The following CYLC2 variants were observed in gnomAD, a reference collection of about 807,000 sequenced individuals.
CYLC2 encodes cylicin 2, also known as cylicin-2.
CYLC2 carries 30 observed loss-of-function variants against 26.1 expected under a neutral mutation model. That is an observed-to-expected ratio of 1.15 (90% CI 0.86 to 1.56). CYLC2 has a LOEUF of 1.56. CYLC2 is among the 40% of genes most tolerant of loss of function. CYLC2 has a pLI of 0.00. For missense variants in CYLC2, 498 were observed against 394.4 expected, an observed-to-expected ratio of 1.26 and a Z score of -2.23; for synonymous variants, 158 against 132.8, an observed-to-expected ratio of 1.19 and a Z score of -1.31.
chr9:103,003,041 T>C, intron 2 of CYLC2, 101 bp from the exon 3 acceptor site: 2 of 1,281,354 alleles, frequency 1.6e-6, no homozygotes, highest in Non-Finnish European at 2.2e-6. Flanking sequence ...TTTGAATCAC[T>C]TGTTTATTCA....
Position 103,004,976 on chromosome 9 carries a change from T to C in CYLC2, c.345T>C (p.Gly115=). The change falls in exon 5 of 8, where the codon GGT becomes GGC. Residue 115 remains glycine, a synonymous_variant. Transcript: ENST00000374798. ...VEVDSKAAEI[G]KKGEDKTTQK... is the part of the protein sequence containing the mutation. ...TTGAATATTTATCCCCAGAAATTGG[T>C]AAGAAAGGTGAAGACAAGACAACAC... 2 of 1,579,566 alleles carry C rather than the reference T, an allele frequency of 1.3e-6. No individual in the cohort carries two copies. The highest frequency in any genetic ancestry group is 1.7e-6 in the Non-Finnish European group (2 of 1,171,124).
rs1829486182 is a variant in CYLC2, at chr9:103,015,229, AT to A, written c.*817-1656del. On this transcript the variant is annotated intron_variant, in intron 6 of 7. Coordinates refer to ENST00000374798, the MANE Select transcript of CYLC2 (RefSeq NM_001340.5). ...ATATACATAATACGTATATACCTAT[AT>A]TTATATATAATCTGATATATAATAT... Among the ~76,000 whole-genome samples the A allele has an allele frequency of 4.1e-5, 5 of 121,450 alleles. No individual in the cohort carries two copies. In the South Asian group the frequency reaches 1.2e-3, roughly 29 times the overall value. 79.7% of individuals were successfully genotyped at this position (121,450 alleles called of 152,430 possible).
chr9:103,014,463 C>CATAATATACATAAT (rs1829466394), intron 6 of CYLC2, among the ~76,000 whole-genome samples: 3 of 123,526 alleles, frequency 2.4e-5, no homozygotes, highest in Non-Finnish European at 5.1e-5. Context: ...ATGTATATTA[C>CATAATATACATAAT]GTAATATACA....
chr9:103,016,941 G>T lies in CYLC2; in HGVS notation c.*870G>T, dbSNP rs1468497072. 1.3e-5 allele frequency: 2 copies of T among 151,916 alleles called. No homozygotes were observed. The highest frequency in any genetic ancestry group is 2.4e-5 in the African/African-American group (1 of 41,418). 9.4% of individuals were successfully genotyped at this position (151,916 alleles called of 1,614,324 possible). ...GGAGAAAGTTATCACAAGTGGAAAG[G>T]TTACCCTAGAAACAAAAGATGTAAG... On this transcript the variant is annotated 3_prime_UTR_variant, in exon 7 of 8. Transcript: ENST00000374798.
rs1166858855 is a variant in CYLC2, at chr9:102,998,958, G to A, written c.18-2620G>A. On this transcript the variant is annotated intron_variant, in intron 1 of 7. Transcript: ENST00000374798. The stretch of plus-strand genomic sequence containing the variant: ...CACATATAAGTAATTTATTCCTTTC[G>A]ATTGCTAAGAAGTATTCCATTACAT... Among the ~76,000 whole-genome samples, 5 of 151,526 alleles carry A rather than the reference G, an allele frequency of 3.3e-5. No individual in the cohort carries two copies. In the South Asian group the frequency reaches 8.3e-4, roughly 25 times the overall value.
chr9:103,014,814 T>C (rs1293882836), intron 6 of CYLC2, among the ~76,000 whole-genome samples: 1 of 90,054 alleles, frequency 1.1e-5, no homozygotes, highest in African/African-American at 4.3e-5. Context: ...ATGTATATTA[T>C]GCAATATACA....
chr9:103,003,012 C>A, intron 2 of CYLC2, 130 bp from the exon 3 acceptor site: 3 of 1,069,882 alleles, frequency 2.8e-6, no homozygotes, highest in East Asian at 2.6e-5. Flanking sequence ...CAAACATTAC[C>A]AAATAAATGA....
In CYLC2 at chr9:103,013,270, ATT is replaced by A. The variant is rs1829433887; in HGVS notation, c.*816+1174_*816+1175del. ...AATATATATTTAATGTGTTATATAT[ATT>A]ATATATAACACATTAAATATATATT... is the stretch of plus-strand genomic sequence containing the variant. On this transcript the variant is annotated intron_variant, in intron 6 of 7. Coordinates refer to ENST00000374798, the MANE Select transcript of CYLC2 (RefSeq NM_001340.5). Among the ~76,000 whole-genome samples the A allele has an allele frequency of 2.9e-5, 3 of 103,600 alleles. 1 individual carries two copies. The allele number at this position is 103,600 out of a possible 152,430, so 68.0% of individuals were successfully genotyped here. A position where few individuals can be genotyped will look rare whatever the true frequency, so the allele number is the denominator to read the frequency against.
intron 5 of CYLC2, among the ~76,000 whole-genome samples, chr9:103,011,655 C>A (rs1829408015): frequency 6.6e-6 from 1 of 151,974 alleles, no homozygotes; most frequent in African/African-American, 2.4e-5. Flanking sequence ...AAATCCAAAA[C>A]CATTGCTCTG....
intron 6 of CYLC2, among the ~76,000 whole-genome samples, chr9:103,014,890 T>C (rs192372568): frequency 3.3e-4 from 45 of 135,802 alleles, no homozygotes; most frequent in African/African-American, 8.1e-4. Flanking sequence ...GTATATTATG[T>C]AATATACATA....
chr9:103,007,966 C>T (rs896144411), intron 5 of CYLC2, among the ~76,000 whole-genome samples: 2 of 151,596 alleles, frequency 1.3e-5, no homozygotes, highest in Admixed American at 6.6e-5. Flanking sequence ...CGTTGTTAGC[C>T]TGGGTCAGCT....
intron 6 of CYLC2, among the ~76,000 whole-genome samples, chr9:103,015,546 A>C (rs1473773413): frequency 7.0e-6 from 1 of 142,548 alleles, no homozygotes; most frequent in Admixed American, 7.5e-5. Flanking sequence ...TAAATATTAT[A>C]TATAAAATAT....
intron 5 of CYLC2, among the ~76,000 whole-genome samples, chr9:103,008,362 G>A (rs1246918443): frequency 6.6e-6 from 1 of 151,428 alleles, no homozygotes; most frequent in East Asian, 2.0e-4. Flanking sequence ...TGTTTTCTCA[G>A]TTATTCCAAT....
At chr9:103,016,540 G>A (rs1829508493) in intron 6 of CYLC2, among the ~76,000 whole-genome samples, 1 of 151,962 alleles carries the variant, frequency 6.6e-6, no homozygotes, top group Non-Finnish European at 1.5e-5. Context: ...ACTACTACTA[G>A]GGCATTTTAT....
intron 6 of CYLC2, among the ~76,000 whole-genome samples, chr9:103,013,156 T>TATATATTATAGAAATATATATTTA: frequency 9.0e-6 from 1 of 111,240 alleles, no homozygotes; most frequent in East Asian, 2.6e-4. Flanking sequence ...CATATATAAA[T>TATATATTATAGAAATATATATTTA]ATATATTATA....
In CYLC2 at chr9:103,002,681, TACTA is replaced by T. The variant is rs577471745; in HGVS notation, c.59-455_59-452del. ...TTACTCTTGTAGCTTGGAAAGTTGT[TACTA>T]ACTAAGGGGATCTTAAGTCTTAGCA... is the stretch of plus-strand genomic sequence containing the variant. On this transcript the variant is annotated intron_variant, in intron 2 of 7. Coordinates refer to ENST00000374798, the MANE Select transcript of CYLC2 (RefSeq NM_001340.5). Among the ~76,000 whole-genome samples the T allele has an allele frequency of 6.1e-4, 93 of 152,258 alleles. 1 individual carries two copies. In the Middle Eastern group the frequency reaches 0.031, roughly 50 times the overall value.
chr9:103,014,588 T>TATGTATATTACGCAGTATACATCAC (rs1829470810), intron 6 of CYLC2, among the ~76,000 whole-genome samples: 1 of 144,212 alleles, frequency 6.9e-6, no homozygotes, highest in African/African-American at 2.5e-5. Flanking sequence ...GTATACATCA[T>TATGTATATTACGCAGTATACATCAC]ATGTATATTA....
intron 6 of CYLC2, among the ~76,000 whole-genome samples, chr9:103,015,311 A>G (rs1405097654): frequency 1.6e-5 from 2 of 128,616 alleles, no homozygotes; most frequent in African/African-American, 3.0e-5. Context: ...TATAATATAT[A>G]TTATATATAA....
chr9:103,002,574 G>A (rs2066260), intron 2 of CYLC2, among the ~76,000 whole-genome samples: 60,406 of 151,448 alleles, frequency 0.4, 13,050 homozygotes, highest in South Asian at 0.53. Context: ...GGATGGTCTC[G>A]ATCTCCTGAC....
Sources: gnomAD v4.1 joint callset for allele counts (sites outside exome capture counted in the v4.1 genomes callset) on GRCh38, gnomAD v4.1.1 for gene constraint, MANE v1.5 for transcripts, NCBI Gene and HGNC (gene_info 2026-07-23, HGNC 2026-07-21) for gene names.